Variants in COL22A1 observed in about 807,000 individuals in gnomAD.
COL22A1 encodes collagen type XXII alpha 1 chain, also known as collagen alpha-1(XXII) chain.
COL22A1 carries 221 observed loss-of-function variants against 248.9 expected under a neutral mutation model. The ratio of observed to expected loss-of-function variants is 0.89; its 90% CI spans 0.80 to 0.99. COL22A1 has a LOEUF of 0.99. Among genes scored for constraint, COL22A1 ranks in the 50% least tolerant of loss-of-function variants. The probability of loss-of-function intolerance (pLI) is 0.00; values close to 1 mark genes in which losing one functional copy is unlikely to be tolerated. For missense variants in COL22A1, 2,240 were observed against 2,179.0 expected (o/e 1.03, Z -0.56); for synonymous variants, 891 against 793.4 (o/e 1.12, Z -2.07).
intron 3 of COL22A1, among the ~76,000 whole-genome samples, chr8:138,851,117 C>T (rs1278045165): frequency 6.6e-6 from 1 of 152,132 alleles, no homozygotes; most frequent in East Asian, 1.9e-4. Flanking sequence ...GCAGGCTGTG[C>T]CATGGAGGAA....
At chr8:138,605,807 C>G (rs4909809) in intron 58 of COL22A1, among the ~76,000 whole-genome samples, 87,261 of 152,134 alleles carry the variant, frequency 0.57, 30,417 homozygotes, top group Middle Eastern at 0.79. Flanking sequence ...CAGCTTCCCC[C>G]TGCCTTAAGC....
chr8:138,868,223 T>C (rs1170956654), intron 3 of COL22A1, among the ~76,000 whole-genome samples: 1 of 152,156 alleles, frequency 6.6e-6, no homozygotes, highest in East Asian at 1.9e-4. Context: ...CAGATTCCAA[T>C]CCCAGGCCTT....
At chr8:138,820,663 A>G (rs1819039378) in intron 7 of COL22A1, among the ~76,000 whole-genome samples, 2 of 152,170 alleles carry the variant, frequency 1.3e-5, no homozygotes, top group Non-Finnish European at 2.9e-5. Context: ...AAAAATCTGT[A>G]TTTAAATTTA....
chr8:138,907,155 G>A (rs1366970500), intron 1 of COL22A1, among the ~76,000 whole-genome samples: 3 of 152,200 alleles, frequency 2.0e-5, no homozygotes, highest in Admixed American at 1.3e-4. Context: ...GGGACCAAAA[G>A]ATATTTCTCC....
In COL22A1 at chr8:138,826,867, C is replaced by A. The variant is rs1819626732; in HGVS notation, c.846-86G>T. ...TGAGCCCACACAACCCAGCAGTGATCAAGCCCTGCCAATTTGACTTCCTAA... is the reference window on the plus strand; with the variant it reads ...TGAGCCCACACAACCCAGCAGTGATAAAGCCCTGCCAATTTGACTTCCTAA... On this transcript the variant is annotated intron_variant, in intron 5 of 64. Transcript: ENST00000303045. 2.9e-5 allele frequency: 43 copies of A among 1,472,116 alleles called. 1 individual carries two copies. In the South Asian group the frequency reaches 4.8e-4, roughly 17 times the overall value. The allele number at this position is 1,472,116 out of a possible 1,614,324, so 91.2% of individuals were successfully genotyped here. A position where few individuals can be genotyped will look rare whatever the true frequency, so the allele number is the denominator to read the frequency against.
rs1001746329 is a variant in COL22A1 at position 138,826,651 on chromosome 8, C to A, written c.969+7G>T. ...GACCACTGAGATAAGGCATCTGCTG[C>A]CCTTACCTGTGGGATGCTGTACTGG... On this transcript the variant is annotated splice_region_variant and intron_variant, in intron 6 of 64. Transcript: ENST00000303045. 2 of 1,613,412 alleles carry A rather than the reference C, an allele frequency of 1.2e-6. No homozygotes were observed. Among genetic ancestry groups the A allele is most frequent in the Non-Finnish European group, 1.7e-6 (2 of 1,179,638 alleles).
intron 21 of COL22A1, among the ~76,000 whole-genome samples, chr8:138,752,088 T>A (rs905395136): frequency 6.6e-6 from 1 of 152,216 alleles, no homozygotes; most frequent in Non-Finnish European, 1.5e-5. Flanking sequence ...AGTCACTTGG[T>A]GCCGTTAAAC....
chr8:138,779,872 C>A (rs971159387), intron 13 of COL22A1, among the ~76,000 whole-genome samples: 2 of 152,136 alleles, frequency 1.3e-5, no homozygotes, highest in Non-Finnish European at 2.9e-5. Context: ...CTCAAGTGAT[C>A]CTTCTGCCTC....
chr8:138,619,116 G>GA (rs936893045), intron 53 of COL22A1, among the ~76,000 whole-genome samples: 4 of 151,292 alleles, frequency 2.6e-5, no homozygotes, highest in South Asian at 2.1e-4. Context: ...TTATAGTTGG[G>GA]AAAAAAAACC....
intron 41 of COL22A1, among the ~76,000 whole-genome samples, chr8:138,670,768 T>C (rs1824949923): frequency 1.3e-5 from 2 of 151,866 alleles, no homozygotes. Flanking sequence ...GAGACCAGTC[T>C]GGGCAACAGG....
At chr8:138,622,498 A>G (rs1819886675) in intron 52 of COL22A1, among the ~76,000 whole-genome samples, 1 of 152,220 alleles carries the variant, frequency 6.6e-6, no homozygotes, top group Admixed American at 6.5e-5. Context: ...TCAGTAAGTA[A>G]TGCATACTCA....
At chr8:138,768,129 T>TCCTCTG (rs1834054769) in intron 16 of COL22A1, among the ~76,000 whole-genome samples, 1 of 152,140 alleles carries the variant, frequency 6.6e-6, no homozygotes, top group Non-Finnish European at 1.5e-5. Flanking sequence ...CTCGATCCGA[T>TCCTCTG]CCATTGCCTC....
chr8:138,653,881 C>G (rs1822975718), intron 45 of COL22A1, among the ~76,000 whole-genome samples: 1 of 152,144 alleles, frequency 6.6e-6, no homozygotes, highest in Non-Finnish European at 1.5e-5. Context: ...CTGGCCAAAT[C>G]CACTCATCCC....
At chr8:138,864,757 A>C (rs1171794523) in intron 3 of COL22A1, among the ~76,000 whole-genome samples, 1 of 152,132 alleles carries the variant, frequency 6.6e-6, no homozygotes, top group Non-Finnish European at 1.5e-5. Context: ...TTGGCTCCAC[A>C]TTCCAACCTC....
intron 4 of COL22A1, among the ~76,000 whole-genome samples, chr8:138,841,379 T>C (rs1157402101): frequency 6.6e-6 from 1 of 152,120 alleles, no homozygotes; most frequent in African/African-American, 2.4e-5. Context: ...CAGAATAGAA[T>C]AAAATGTTAA....
chr8:138,794,992 C>T (rs149253991), intron 12 of COL22A1, among the ~76,000 whole-genome samples: 51 of 152,072 alleles, frequency 3.4e-4, no homozygotes, highest in African/African-American at 1.0e-3. Flanking sequence ...TGTGCCACAC[C>T]GTGCCTATGA....
chr8:138,816,113 T>C (rs1189346624), intron 7 of COL22A1, among the ~76,000 whole-genome samples: 2 of 152,196 alleles, frequency 1.3e-5, no homozygotes, highest in Admixed American at 6.5e-5. Flanking sequence ...TTCTTCATTA[T>C]CAAACATACT....
chr8:138,902,546 AAC>A (rs998286915), intron 1 of COL22A1, among the ~76,000 whole-genome samples: 1 of 151,648 alleles, frequency 6.6e-6, no homozygotes, highest in Non-Finnish European at 1.5e-5. Context: ...AAAATACAAA[AAC>A]AAAAAAAATT....
intron 39 of COL22A1, among the ~76,000 whole-genome samples, chr8:138,683,077 C>A (rs1826079161): frequency 6.6e-6 from 1 of 152,182 alleles, no homozygotes; most frequent in African/African-American, 2.4e-5. Flanking sequence ...GGTTAGCGAG[C>A]CCCCTCTGAG....
Sources: allele counts gnomAD v4.1 joint callset (sites outside exome capture counted in the v4.1 genomes callset), GRCh38; gene constraint gnomAD v4.1.1; transcripts MANE v1.5; gene names NCBI Gene and HGNC (gene_info 2026-07-23, HGNC 2026-07-21).